The following MELTF variants were observed in gnomAD, a reference collection of about 807,000 sequenced individuals.
MELTF encodes the protein antigen p97 (melanoma associated) identified by monoclonal antibodies 133.2 and 96.5.
MELTF carries 67 observed loss-of-function variants against 83.7 expected under a neutral mutation model. The ratio of observed to expected loss-of-function variants is 0.80; its 90% confidence interval spans 0.66 to 0.98. The LOEUF is 0.98. Among genes scored for constraint, MELTF ranks in the 50% least tolerant of loss-of-function variants. The pLI is 0.00. For synonymous variants in MELTF, 462 were observed against 447.6 expected (o/e 1.03, Z -0.41); for missense variants, 1,002 against 1,035.6 (o/e 0.97, Z 0.44).
intron 14 of MELTF, chr3:197,004,480 A>G (rs1251663295): frequency 3.5e-6 from 1 of 285,512 alleles, no homozygotes; most frequent in Admixed American, 4.9e-5. Context: ...AGGCTTTCTC[A>G]CTCTGTCTTA....
chr3:197,027,298 C>T (rs1719894933), intron 2 of MELTF, among the ~76,000 whole-genome samples: 1 of 152,236 alleles, frequency 6.6e-6, no homozygotes, highest in Non-Finnish European at 1.5e-5. Flanking sequence ...CTGGTGGTGC[C>T]TCGGAGGATT....
chr3:197,014,861 G>GTAT (rs371733929), intron 9 of MELTF, among the ~76,000 whole-genome samples: 10 of 152,252 alleles, frequency 6.6e-5, no homozygotes, highest in African/African-American at 2.4e-4. Context: ...TGATCACCAT[G>GTAT]TATTCTATGT....
chr3:197,008,862 G>C lies in MELTF; in HGVS notation c.1629C>G (p.Asn543Lys). ...ALCVGDEQGR[N>K]KCVGNSQERY... ...GCTCCTGGCTGTTGCCCACACACTT[G>C]TTGCGGCCCTGCTCGTCCCCCACGC... The change falls in exon 12 of 16, where the codon AAC becomes AAG. Residue 543 changes from asparagine (N) to lysine (K), a missense_variant. Physicochemically the swap from Asn to Lys is moderately conservative, Grantham distance 94. Transcript: ENST00000296350. This position sits in a 1 kb window ranked among gnomAD's most constrained non-coding sequence, Gnocchi z 5.4. 1 of 1,614,112 alleles carries C rather than the reference G, an allele frequency of 6.2e-7. No homozygotes were observed. The highest frequency in any genetic ancestry group is 8.5e-7 in the Non-Finnish European group (1 of 1,180,014).
At chr3:197,019,007 A>G (rs1231916232) in intron 6 of MELTF, 1 of 985,336 alleles carries the variant, frequency 1.0e-6, no homozygotes, top group Non-Finnish European at 1.2e-6. Flanking sequence ...AAACCTCTAC[A>G]AGGAAATAGG....
At chr3:197,021,556 A>AGG (rs1310208214) in intron 5 of MELTF, 85 bp from the exon 6 acceptor site, 1 of 1,319,914 alleles carries the variant, frequency 7.6e-7, no homozygotes, top group Non-Finnish European at 1.1e-6. Context: ...CTTGGGCTGT[A>AGG]GGGGTGGCCA....
Position 197,003,676 on chromosome 3 carries a change from A to G in MELTF, c.2137+225T>C, listed in dbSNP as rs117708038. The G allele has an allele frequency of 0.021, 14,093 of 659,658 alleles. 343 individuals are homozygous for G. The highest frequency in any genetic ancestry group is 0.076 in the East Asian group (2,707 of 35,532). 40.9% of individuals were successfully genotyped at this position (659,658 alleles called of 1,614,324 possible). On this transcript the variant is annotated intron_variant, in intron 15 of 15. Coordinates refer to ENST00000296350, the MANE Select transcript of MELTF (RefSeq NM_005929.6). The surrounding 1 kb of genome is among the most constrained non-coding windows in gnomAD (Gnocchi z 6.2). ...AGATCCTCCCCGCGCCGCCGTTTTG[A>G]GCGTTCACACTCATTACCCAGGTCC...
rs1054401524 is a variant in MELTF at position 197,018,911 on chromosome 3, T to C, written c.713-1621A>G. ...AACTATTAACACCAAACAGGGATAT[T>C]GAGAAGACGAATATTAAGGACTATA... On this transcript the variant is annotated intron_variant, in intron 6 of 15. Coordinates refer to ENST00000296350, the MANE Select transcript of MELTF (RefSeq NM_005929.6). 7 of 983,118 alleles carry C rather than the reference T, an allele frequency of 7.1e-6. No individual in the cohort carries two copies. The African/African-American group carries it at 1.2e-4, about 17-fold the overall frequency. 60.9% of individuals were successfully genotyped at this position (983,118 alleles called of 1,614,324 possible).
At position 197,024,062 on chromosome 3, in the gene MELTF, A is replaced by G. The variant is rs1719742859; in HGVS notation, c.487+241T>C. 1.3e-5 allele frequency among the ~76,000 whole-genome samples: 2 copies of G among 152,008 alleles called. No individual in the cohort carries two copies. Among genetic ancestry groups the G allele is most frequent in the Admixed American group, 1.3e-4 (2 of 15,276 alleles). On this transcript the variant is annotated intron_variant, in intron 4 of 15. Transcript: ENST00000296350. This position sits in a 1 kb window ranked among gnomAD's most constrained non-coding sequence, Gnocchi z 5.3. ...CCTGTGCCTGGCTGTGCCATGTGGG[A>G]CACCACGATGCGTGAGCAAGAATCG...
intron 14 of MELTF, among the ~76,000 whole-genome samples, chr3:197,005,783 G>A (rs1174420462): frequency 6.6e-6 from 1 of 152,240 alleles, no homozygotes; most frequent in Non-Finnish European, 1.5e-5. Flanking sequence ...GGCCCTGGTG[G>A]GAGCCTGTCT....
chr3:197,023,852 G>C lies in MELTF; in HGVS notation c.487+451C>G, dbSNP rs1480372871. ...AGGCTCTCGCGGGTTTACACGGCTG[G>C]TTGGGCTGATGAGCCACTTGGGAGC... On this transcript the variant is annotated intron_variant, in intron 4 of 15. Coordinates refer to ENST00000296350, the MANE Select transcript of MELTF (RefSeq NM_005929.6). 5 of 457,870 alleles carry C rather than the reference G, an allele frequency of 1.1e-5. No homozygotes were observed. In the Admixed American group the frequency reaches 1.2e-4, roughly 11 times the overall value. 28.4% of individuals were successfully genotyped at this position (457,870 alleles called of 1,614,324 possible). A position where few individuals can be genotyped will look rare whatever the true frequency, so the allele number is the denominator to read the frequency against.
rs750216900 is a variant in MELTF, at chr3:197,021,362, T to G, written c.712+42A>C. 2.5e-6 allele frequency: 4 copies of G among 1,606,260 alleles called. No individual in the cohort carries two copies. In the African/African-American group the frequency reaches 4.0e-5, roughly 16 times the overall value. Reference sequence around the variant, plus strand: ...GTCCCTGCCCCAAGCCGGCCTGGCCTGACTCCCTGCTCCTCTGGGCCCGTG... The same window carrying G: ...GTCCCTGCCCCAAGCCGGCCTGGCCGGACTCCCTGCTCCTCTGGGCCCGTG... On this transcript the variant is annotated intron_variant, in intron 6 of 15. Transcript: ENST00000296350.
chr3:197,010,548 G>A, intron 10 of MELTF, 150 bp downstream of exon 10: 1 of 649,258 alleles, frequency 1.5e-6, no homozygotes, highest in East Asian at 2.7e-5. Context: ...CTGAGGCCTG[G>A]GGCAGGAGGG....
At chr3:197,021,381 G>A (rs550405464) in intron 6 of MELTF, 23 bp downstream of exon 6, 3 of 1,613,062 alleles carry the variant, frequency 1.9e-6, no homozygotes, top group South Asian at 2.2e-5. Flanking sequence ...GCTCCTCTGG[G>A]CCCGTGCCCC....
In MELTF at chr3:197,011,051, C is replaced by T. The variant is rs544935838; in HGVS notation, c.1234-257G>A. 1.3e-5 allele frequency among the ~76,000 whole-genome samples: 2 copies of T among 152,298 alleles called. No individual in the cohort carries two copies. The highest frequency in any genetic ancestry group is 2.9e-5 in the Non-Finnish European group (2 of 68,006). On this transcript the variant is annotated intron_variant, in intron 9 of 15. Transcript: ENST00000296350. The surrounding 1 kb of genome is among the most constrained non-coding windows in gnomAD (Gnocchi z 4.2). ...CGCAGCACTCCTGCGCGTGGCCACC[C>T]AGGGTCCCCTGTGTCCCTGCTCTGA...
Position 197,022,971 on chromosome 3 carries a change from G to C in MELTF, c.630C>G (p.Tyr210Ter). 3 of 1,609,966 alleles carry C rather than the reference G, an allele frequency of 1.9e-6. No individual in the cohort carries two copies. The highest frequency in any genetic ancestry group is 2.5e-6 in the Non-Finnish European group (3 of 1,178,808). Residue 210 changes from tyrosine (Y) to a stop codon, truncating the protein, a stop_gained, in exon 5 of 16, where the codon TAC (tyrosine) becomes TAG (stop). Transcript: ENST00000296350. LOFTEE classifies it high-confidence loss of function. The surrounding 1 kb of genome is among the most constrained non-coding windows in gnomAD (Gnocchi z 5.1). ...DKSPLERYYD[Y>*]SGAFRCLAEG... is the part of the protein sequence containing the mutation. Reference sequence around the variant, plus strand: ...ACTCCGCTCACCGGAAGGCCCCGCTGTAGTCGTAGTATCTCTCCAGGGGGC... The same window carrying C: ...ACTCCGCTCACCGGAAGGCCCCGCTCTAGTCGTAGTATCTCTCCAGGGGGC...
At chr3:197,017,717 A>G (rs1012490789) in intron 6 of MELTF, among the ~76,000 whole-genome samples, 4 of 152,108 alleles carry the variant, frequency 2.6e-5, no homozygotes, top group South Asian at 2.1e-4. Flanking sequence ...CTCTACTAAA[A>G]ATACAAAAAA....
In MELTF at chr3:197,003,387, GAGCAGGCGGGCGGCGAGGGCGGGCAGC is replaced by G. The variant is rs1043960014; in HGVS notation, c.2175_2201del (p.Leu726_Leu734del). On this transcript the variant is annotated inframe_deletion, in exon 16 of 16. Coordinates refer to ENST00000296350, the MANE Select transcript of MELTF (RefSeq NM_005929.6). This position sits in a 1 kb window ranked among gnomAD's most constrained non-coding sequence, Gnocchi z 6.2. Reference sequence around the variant, plus strand: ...GCGGCCGGGCTCAGAGGGCGGGCGGGAGCAGGCGGGCGGCGAGGGCGGGCAGCAGCAGCGGGAGCAGGGGCGCCCCGG... The same window carrying G: ...GCGGCCGGGCTCAGAGGGCGGGCGGGAGCAGCGGGAGCAGGGGCGCCCCGG... The G allele has an allele frequency of 1.0e-4, 109 of 1,082,016 alleles. No individual in the cohort carries two copies. The highest frequency in any genetic ancestry group is 1.1e-4 in the Non-Finnish European group (102 of 893,180). The allele number at this position is 1,082,016 out of a possible 1,614,324, so 67.0% of individuals were successfully genotyped here.
At chr3:197,015,957 T>C (rs1182510290) in intron 8 of MELTF, among the ~76,000 whole-genome samples, 1 of 152,112 alleles carries the variant, frequency 6.6e-6, no homozygotes, top group Non-Finnish European at 1.5e-5. Flanking sequence ...CAGATTCTGA[T>C]GGTCTGCATC....
In MELTF at chr3:197,029,751, G is replaced by C. The variant is rs896993327; in HGVS notation, c.-49C>G. On this transcript the variant is annotated 5_prime_UTR_variant, in exon 1 of 16. Transcript: ENST00000296350. This position sits in a 1 kb window ranked among gnomAD's most constrained non-coding sequence, Gnocchi z 6.5. ...CCGGGCTGGGGCTGGGTCCGGGTCCGAGGAGGTCCGCAGCAGCCGGGCTTC... is the reference window on the plus strand; with the variant it reads ...CCGGGCTGGGGCTGGGTCCGGGTCCCAGGAGGTCCGCAGCAGCCGGGCTTC... 1 of 1,189,070 alleles carries C rather than the reference G, an allele frequency of 8.4e-7. No homozygotes were observed. The highest frequency in any genetic ancestry group is 1.6e-5 in the African/African-American group (1 of 63,480). 73.7% of individuals were successfully genotyped at this position (1,189,070 alleles called of 1,614,324 possible).
Sources: gnomAD v4.1 joint callset for allele counts (sites outside exome capture counted in the v4.1 genomes callset) on GRCh38, gnomAD v4.1.1 for gene constraint, Gnocchi (gnomAD v3.1) non-coding constraint, MANE v1.5 for transcripts, NCBI Gene and HGNC (gene_info 2026-07-23, HGNC 2026-07-21) for gene names.